ROBO2: variants seen among roughly 807,000 people sequenced by gnomAD.
ROBO2 encodes the protein roundabout guidance receptor 2.
In ROBO2, 53 loss-of-function variants were observed where a neutral mutation model predicts 160.8. The ratio of observed to expected loss-of-function variants is 0.33; its 90% CI spans 0.26 to 0.41. The LOEUF is 0.41. ROBO2 is among the 10% of genes least tolerant of loss of function. The pLI, the probability that ROBO2 is intolerant of heterozygous loss-of-function variation, is 1.00. For missense variants in ROBO2, 1,577 were observed against 1,722.4 expected (o/e 0.92, Z 1.49); for synonymous variants, 664 against 611.7 (o/e 1.09, Z -1.26).
At chr3:77,137,653 G>C (rs758124452) in intron 2 of ROBO2, among the ~76,000 whole-genome samples, 2 of 152,218 alleles carry the variant, frequency 1.3e-5, no homozygotes, top group Non-Finnish European at 2.9e-5. Flanking sequence ...CACTGATTTC[G>C]AGGGACATCC....
At chr3:77,411,858 G>A (rs189913765) in intron 2 of ROBO2, among the ~76,000 whole-genome samples, 8 of 152,148 alleles carry the variant, frequency 5.3e-5, no homozygotes, top group Admixed American at 2.0e-4. Context: ...TTTTTATATC[G>A]TTAAGACATT....
At chr3:76,734,394 A>G (rs1344667235) in intron 2 of ROBO2, among the ~76,000 whole-genome samples, 2 of 152,180 alleles carry the variant, frequency 1.3e-5, no homozygotes, top group Admixed American at 6.5e-5. Context: ...GCAAACTGGG[A>G]TGTGTAGTCT....
intron 2 of ROBO2, among the ~76,000 whole-genome samples, chr3:76,303,610 A>G (rs999347138): frequency 2.2e-4 from 2 of 9,264 alleles, no homozygotes; most frequent in Non-Finnish European, 0.017. Flanking sequence ...CTACTCTTCA[A>G]AAAAAAAGAG....
intron 2 of ROBO2, among the ~76,000 whole-genome samples, chr3:76,346,578 G>T (rs1261767005): frequency 6.6e-6 from 1 of 151,952 alleles, no homozygotes; most frequent in Non-Finnish European, 1.5e-5. Context: ...AGAAATGTGG[G>T]CAATGTCTAT....
chr3:77,216,722 C>G (rs1336126119), intron 2 of ROBO2, among the ~76,000 whole-genome samples: 1 of 152,140 alleles, frequency 6.6e-6, no homozygotes, highest in Non-Finnish European at 1.5e-5. Flanking sequence ...TGGCTCCACC[C>G]CACAAATAAT....
At chr3:77,358,900 T>C (rs4462943) in intron 2 of ROBO2, among the ~76,000 whole-genome samples, 115,124 of 152,144 alleles carry the variant, frequency 0.76, 44,982 homozygotes, top group Non-Finnish European at 0.86. Flanking sequence ...TTATAGTAGG[T>C]CTGCAAGATG....
intron 2 of ROBO2, among the ~76,000 whole-genome samples, chr3:76,753,119 A>G (rs2060772845): frequency 6.6e-6 from 1 of 151,942 alleles, no homozygotes; most frequent in African/African-American, 2.4e-5. Flanking sequence ...CAAAGACTTA[A>G]ATAGACAAAG....
intron 2 of ROBO2, among the ~76,000 whole-genome samples, chr3:76,834,418 G>A (rs2067482430): frequency 6.6e-6 from 1 of 151,886 alleles, no homozygotes; most frequent in Admixed American, 6.6e-5. Context: ...AGGCTGGAGT[G>A]CAGGGGCACC....
intron 2 of ROBO2, among the ~76,000 whole-genome samples, chr3:76,796,520 G>A (rs1206867514): frequency 2.0e-5 from 3 of 148,196 alleles, no homozygotes; most frequent in Non-Finnish European, 4.5e-5. Flanking sequence ...AAGAAGGAAG[G>A]AAGGAAGGAA....
intron 2 of ROBO2, among the ~76,000 whole-genome samples, chr3:76,833,149 G>C (rs975377525): frequency 1.3e-5 from 2 of 152,178 alleles, no homozygotes; most frequent in African/African-American, 2.4e-5. Context: ...GGACTCTGAA[G>C]AAGTAATTTA....
At chr3:76,327,658 T>C (rs2107976655) in intron 2 of ROBO2, among the ~76,000 whole-genome samples, 1 of 151,530 alleles carries the variant, frequency 6.6e-6, no homozygotes, top group African/African-American at 2.4e-5. Context: ...ATGGCTTAAA[T>C]ATCATTGGCA....
chr3:76,836,895 G>A (rs748291832), intron 2 of ROBO2, among the ~76,000 whole-genome samples: 9 of 151,722 alleles, frequency 5.9e-5, no homozygotes, highest in Non-Finnish European at 1.3e-4. Flanking sequence ...CAATTAGGTC[G>A]ATTTGGTTGA....
chr3:76,617,704 T>C (rs1029721029), intron 2 of ROBO2, among the ~76,000 whole-genome samples: 3 of 152,118 alleles, frequency 2.0e-5, no homozygotes, highest in Non-Finnish European at 4.4e-5. Flanking sequence ...AGACCACCTG[T>C]ATTAGTCTGT....
chr3:76,191,759 C>A (rs1486135626), intron 2 of ROBO2, among the ~76,000 whole-genome samples: 1 of 152,078 alleles, frequency 6.6e-6, no homozygotes, highest in Non-Finnish European at 1.5e-5. Flanking sequence ...ATAACATTCC[C>A]TTTGTTCCAA....
intron 1 of ROBO2, among the ~76,000 whole-genome samples, chr3:77,080,501 G>T (rs1481392881): frequency 6.6e-6 from 1 of 152,166 alleles, no homozygotes; most frequent in East Asian, 1.9e-4. Flanking sequence ...AGGAATTGAT[G>T]TGGCTTTGAC....
chr3:77,057,906 G>A (rs1036740292), intron 1 of ROBO2, among the ~76,000 whole-genome samples: 8 of 151,822 alleles, frequency 5.3e-5, no homozygotes, highest in African/African-American at 1.5e-4. Flanking sequence ...CGGGTTGATA[G>A]GTGCATCAAA....
chr3:76,506,522 A>G (rs2080807676), intron 2 of ROBO2, among the ~76,000 whole-genome samples: 4 of 152,186 alleles, frequency 2.6e-5, no homozygotes. Flanking sequence ...GACTAATTCA[A>G]GTGCTGCTTT....
At position 76,464,725 on chromosome 3, in the gene ROBO2, GA is replaced by G. The variant is rs1376144962; in HGVS notation, c.109+527125del. Among the ~76,000 whole-genome samples, 4 of 151,998 alleles carry G rather than the reference GA, an allele frequency of 2.6e-5. No homozygotes were observed. In the East Asian group the frequency reaches 7.7e-4, roughly 29 times the overall value. ...AAATGAGGGAAAATTTAGTTTTCAA[GA>G]ATTTTAGTTTCAAGTTTTCAAGATT... On this transcript the variant is annotated intron_variant, in intron 2 of 26. Transcript: ENST00000487694.
intron 2 of ROBO2, among the ~76,000 whole-genome samples, chr3:77,152,460 C>T (rs535865298): frequency 2.0e-5 from 3 of 152,290 alleles, no homozygotes; most frequent in Admixed American, 1.3e-4. Flanking sequence ...TTCTAACTAG[C>T]CAGATTTTGG....
Sources: allele counts gnomAD v4.1 joint callset (sites outside exome capture counted in the v4.1 genomes callset), GRCh38; gene constraint gnomAD v4.1.1; transcripts MANE v1.5; gene names NCBI Gene and HGNC (gene_info 2026-07-23, HGNC 2026-07-21).